DDX11: variants seen among roughly 807,000 people sequenced by gnomAD.
DDX11 encodes ATP-dependent DNA helicase DDX11.
In DDX11, 72 loss-of-function variants were observed where a neutral mutation model predicts 125.2. That is an observed-to-expected ratio of 0.58 (90% CI 0.48 to 0.70). DDX11 has a LOEUF of 0.70. Among genes scored for constraint, DDX11 ranks in the 30% least tolerant of loss-of-function variants. The pLI, the probability that DDX11 is intolerant of heterozygous loss-of-function variation, is 0.00. For missense variants in DDX11, 883 were observed against 1,165.0 expected (o/e 0.76, Z 3.52); for synonymous variants, 347 against 452.6 (o/e 0.77, Z 2.96).
intron 2 of DDX11, among the ~76,000 whole-genome samples, chr12:31,083,076 A>C (rs1022508025): frequency 6.6e-6 from 1 of 152,194 alleles, no homozygotes; most frequent in Non-Finnish European, 1.5e-5. Context: ...TTAGGATTTC[A>C]ACACAGGAAT....
chr12:31,089,674 T>C (rs1943837186), intron 8 of DDX11, 184 bp downstream of exon 8: 1 of 1,159,888 alleles, frequency 8.6e-7, no homozygotes. Context: ...CTGGTCCGAA[T>C]CCTTGGCTTG....
intron 11 of DDX11, 91 bp downstream of exon 11, chr12:31,092,983 T>A: frequency 6.7e-7 from 1 of 1,484,718 alleles, no homozygotes; most frequent in Non-Finnish European, 9.4e-7. Flanking sequence ...GGTTCCCACC[T>A]CTGGCCCGGG....
chr12:31,084,160 T>G, intron 3 of DDX11, 99 bp downstream of exon 3: 1 of 1,511,786 alleles, frequency 6.6e-7, no homozygotes, highest in Non-Finnish European at 9.2e-7. Context: ...CATGCTCCCC[T>G]GCCGTTGCCG....
chr12:31,081,459 A>G (rs1306908071), intron 2 of DDX11, among the ~76,000 whole-genome samples: 1 of 152,058 alleles, frequency 6.6e-6, no homozygotes, highest in African/African-American at 2.4e-5. Context: ...ATACAGGTCT[A>G]TCAAGTTGAG....
intron 10 of DDX11, 118 bp downstream of exon 10, chr12:31,091,989 CGAG>C: frequency 7.0e-7 from 1 of 1,432,686 alleles, no homozygotes; most frequent in Non-Finnish European, 9.7e-7. Context: ...AGAGGGTGCA[CGAG>C]TCAAGGCGGT....
chr12:31,077,606 G>C (rs1198239958), intron 1 of DDX11, among the ~76,000 whole-genome samples: 1 of 152,020 alleles, frequency 6.6e-6, no homozygotes, highest in Non-Finnish European at 1.5e-5. Flanking sequence ...CCAGCACTTC[G>C]GGAGGCCAAG....
chr12:31,087,675 G>A (rs564274972), intron 5 of DDX11: 20 of 560,890 alleles, frequency 3.6e-5, no homozygotes, highest in South Asian at 2.5e-4. Context: ...CATGAGTCCC[G>A]AGGCTTCCGA....
Position 31,101,818 on chromosome 12 carries a change from C to G in DDX11, c.2053-15C>G. ...CTCCATGGGGGCTCCCTCCCTCCCT[C>G]CTTTCCTTCCTTAGATGGACGAGGT... On this transcript the variant is annotated splice_polypyrimidine_tract_variant and intron_variant, in intron 20 of 26. Transcript: ENST00000542838. The G allele has an allele frequency of 3.7e-6, 6 of 1,613,618 alleles. No individual in the cohort carries two copies. The highest frequency in any genetic ancestry group is 5.1e-6 in the Non-Finnish European group (6 of 1,179,730).
chr12:31,091,599 A>G (rs1944231329), intron 9 of DDX11, 120 bp from the exon 10 acceptor site: 3 of 1,134,956 alleles, frequency 2.6e-6, no homozygotes, highest in Non-Finnish European at 3.8e-6. Context: ...TGTTTTTCGA[A>G]TGTCTCTACA....
chr12:31,097,679 C>CAAAAA (rs10676316), intron 17 of DDX11, among the ~76,000 whole-genome samples: 11 of 93,152 alleles, frequency 1.2e-4, no homozygotes, highest in African/African-American at 2.9e-4. Flanking sequence ...GACTCCATCT[C>CAAAAA]AAAAAAAAAA....
intron 18 of DDX11, among the ~76,000 whole-genome samples, chr12:31,098,844 C>T (rs1003470199): frequency 8.5e-5 from 13 of 152,148 alleles, no homozygotes; most frequent in African/African-American, 2.9e-4. Flanking sequence ...AGGTCCTCCC[C>T]GTGGCCCGGT....
intron 5 of DDX11, 108 bp from the exon 6 acceptor site, chr12:31,087,830 C>T: frequency 6.6e-7 from 1 of 1,503,906 alleles, no homozygotes; most frequent in Non-Finnish European, 9.0e-7. Context: ...TGGTGGAACC[C>T]ATTGCTGGGA....
Position 31,104,646 on chromosome 12 carries a change from C to G in DDX11, c.*810C>G, listed in dbSNP as rs2141077028. The G allele has an allele frequency of 6.5e-6, 1 of 154,798 alleles. No homozygotes were observed. Among genetic ancestry groups the G allele is most frequent in the East Asian group, 1.9e-4 (1 of 5,200 alleles). 9.6% of individuals were successfully genotyped at this position (154,798 alleles called of 1,614,324 possible). A position where few individuals can be genotyped will look rare whatever the true frequency, so the allele number is the denominator to read the frequency against. The stretch of plus-strand genomic sequence containing the variant: ...CCCTGCTGACTGCGCCTGTCTTCTC[C>G]CTCTGACCCCAGAGAAAGGGGCTGT... On this transcript the variant is annotated 3_prime_UTR_variant, in exon 27 of 27. Transcript: ENST00000542838.
intron 6 of DDX11, among the ~76,000 whole-genome samples, chr12:31,088,542 AT>A (rs1263488598): frequency 6.6e-6 from 1 of 152,030 alleles, no homozygotes; most frequent in Non-Finnish European, 1.5e-5. Context: ...GGTTTCATTG[AT>A]TTATGACTTG....
At chr12:31,090,238 T>C (rs2536785) in intron 9 of DDX11, 144 bp downstream of exon 9, 337,773 of 808,518 alleles carry the variant, frequency 0.42, 88,127 homozygotes, top group East Asian at 0.84. Context: ...TCTCCTGATG[T>C]GTGAGTTGGA....
At position 31,104,155 on chromosome 12, in the gene DDX11, G is replaced by A; in HGVS notation, c.*319G>A. ...CTTCCTGGTCTCCGCAGGAGGCTGT[G>A]GCAGCTGTGGCATCCACTGTGGCAT... On this transcript the variant is annotated 3_prime_UTR_variant, in exon 27 of 27. Coordinates refer to ENST00000542838, the MANE Select transcript of DDX11 (RefSeq NM_030653.4). The A allele has an allele frequency of 6.9e-7, 1 of 1,449,170 alleles. No individual in the cohort carries two copies. The highest frequency in any genetic ancestry group is 9.1e-7 in the Non-Finnish European group (1 of 1,099,252). The allele number at this position is 1,449,170 out of a possible 1,614,324, so 89.8% of individuals were successfully genotyped here. A position where few individuals can be genotyped will look rare whatever the true frequency, so the allele number is the denominator to read the frequency against.
rs375182217 is a variant in DDX11 at position 31,103,329 on chromosome 12, G to A, written c.2470G>A (p.Gly824Ser). ...YLDQTLPRAP[G>S]QAPPGKALVE... ...CCTTCACTCCCAGCCCAGAGCCCCCGGCCAGGCACCCCCAGGGAAGGCTCT... is the reference window on the plus strand; with the variant it reads ...CCTTCACTCCCAGCCCAGAGCCCCCAGCCAGGCACCCCCAGGGAAGGCTCT... Residue 824 changes from glycine to serine, a missense_variant, in exon 25 of 27, where the codon GGC (glycine) becomes AGC (serine). By Grantham distance (56) the Gly-to-Ser change is moderately conservative. Coordinates refer to ENST00000542838, the MANE Select transcript of DDX11 (RefSeq NM_030653.4). The A allele has an allele frequency of 1.1e-5, 17 of 1,611,146 alleles. No homozygotes were observed. The highest frequency in any genetic ancestry group is 1.3e-5 in the African/African-American group (1 of 74,958).
At chr12:31,102,680 C>T (rs918559697) in intron 23 of DDX11, 153 bp downstream of exon 23, 2 of 734,432 alleles carry the variant, frequency 2.7e-6, no homozygotes, top group Non-Finnish European at 4.8e-6. Context: ...GGCTCAGCAG[C>T]TCTGGGTTTG....
chr12:31,097,574 G>A (rs71455623), intron 17 of DDX11, among the ~76,000 whole-genome samples: 12,389 of 147,386 alleles, frequency 0.084, 382 homozygotes, highest in Non-Finnish European at 0.1. Context: ...CAGCTACTCG[G>A]GAGGCTGAGG....
Sources: gnomAD v4.1 joint callset for allele counts (sites outside exome capture counted in the v4.1 genomes callset) on GRCh38, gnomAD v4.1.1 for gene constraint, MANE v1.5 for transcripts, NCBI Gene and HGNC (gene_info 2026-07-23, HGNC 2026-07-21) for gene names.